IGSF21: variants seen among roughly 807,000 people sequenced by gnomAD.
The protein encoded by IGSF21 is immunoglobulin superfamily member 21.
A neutral mutation model predicts 46.8 loss-of-function variants in IGSF21; 28 were observed. The observed-to-expected ratio is 0.60, with a 90% CI of 0.44 to 0.82. IGSF21 has a LOEUF of 0.82. Among genes scored for constraint, IGSF21 ranks in the 40% least tolerant of loss-of-function variants. IGSF21 has a pLI of 0.00. For missense variants in IGSF21, 624 were observed against 665.5 expected, an observed-to-expected ratio of 0.94 and a Z score of 0.69; for synonymous variants, 284 against 273.6, an observed-to-expected ratio of 1.04 and a Z score of -0.38.
chr1:18,225,623 C>G (rs1045444787), intron 1 of IGSF21, among the ~76,000 whole-genome samples: 1 of 152,020 alleles, frequency 6.6e-6, no homozygotes, highest in Admixed American at 6.6e-5. Flanking sequence ...TGATGAGGCT[C>G]AACTCATAAC....
intron 1 of IGSF21, among the ~76,000 whole-genome samples, chr1:18,192,896 C>A: frequency 6.6e-6 from 1 of 152,010 alleles, no homozygotes; most frequent in Non-Finnish European, 1.5e-5. Context: ...GTTTATTCGA[C>A]ACATATTAAT....
At chr1:18,314,539 C>A (rs982246284) in intron 3 of IGSF21, among the ~76,000 whole-genome samples, 1 of 152,202 alleles carries the variant, frequency 6.6e-6, no homozygotes, top group Admixed American at 6.5e-5. Flanking sequence ...CAGGAACTCA[C>A]TTAAACCTCA....
At chr1:18,193,855 AC>A (rs1399569497) in intron 1 of IGSF21, among the ~76,000 whole-genome samples, 1 of 152,180 alleles carries the variant, frequency 6.6e-6, no homozygotes, top group African/African-American at 2.4e-5. Context: ...TATGTAACAT[AC>A]AAATATGGTT....
intron 2 of IGSF21, among the ~76,000 whole-genome samples, chr1:18,288,339 C>T (rs1211973643): frequency 3.3e-5 from 5 of 152,194 alleles, no homozygotes; most frequent in African/African-American, 2.4e-5. Flanking sequence ...TCAGAAGTGT[C>T]AGAACATCAT....
At chr1:18,294,274 G>C (rs1464625690) in intron 3 of IGSF21, among the ~76,000 whole-genome samples, 2 of 152,126 alleles carry the variant, frequency 1.3e-5, no homozygotes, top group African/African-American at 4.8e-5. Flanking sequence ...GTGAAGTGCT[G>C]GTTTCCGGCC....
intron 6 of IGSF21, among the ~76,000 whole-genome samples, chr1:18,367,603 CTTTTTTT>C (rs35019096): frequency 9.5e-5 from 7 of 73,952 alleles, no homozygotes; most frequent in Non-Finnish European, 1.3e-4. Context: ...CTCTCTCTCT[CTTTTTTT>C]TTTTTTTTTT....
chr1:18,178,661 C>T (rs2086827448), intron 1 of IGSF21, among the ~76,000 whole-genome samples: 1 of 152,168 alleles, frequency 6.6e-6, no homozygotes, highest in Non-Finnish European at 1.5e-5. Flanking sequence ...CTCTTTCTCC[C>T]AGTGCCCCTT....
intron 1 of IGSF21, among the ~76,000 whole-genome samples, chr1:18,192,634 T>A (rs1339498846): frequency 6.6e-6 from 1 of 152,078 alleles, no homozygotes; most frequent in Non-Finnish European, 1.5e-5. Flanking sequence ...GAGCTAAGAT[T>A]TGAGTCTGTG....
At chr1:18,172,105 G>C (rs1291517959) in intron 1 of IGSF21, among the ~76,000 whole-genome samples, 4 of 152,200 alleles carry the variant, frequency 2.6e-5, no homozygotes, top group Non-Finnish European at 5.9e-5. Flanking sequence ...AGATAGACTT[G>C]GGACTTTGAT....
chr1:18,225,087 A>T (rs12036351), intron 1 of IGSF21, among the ~76,000 whole-genome samples: 1,888 of 30,030 alleles, frequency 0.063, 28 homozygotes, highest in South Asian at 0.16. Context: ...TCTCTCTCTC[A>T]CACACACACA....
At chr1:18,241,977 G>A (rs1341910180) in intron 2 of IGSF21, among the ~76,000 whole-genome samples, 3 of 152,186 alleles carry the variant, frequency 2.0e-5, no homozygotes, top group Non-Finnish European at 4.4e-5. Flanking sequence ...GAAGCTCTGT[G>A]GCCTCCTCCG....
rs143102418 is a variant in IGSF21 at position 18,173,219 on chromosome 1, C to T, written c.71-54679C>T. Among the ~76,000 whole-genome samples, 252 of 152,210 alleles carry T rather than the reference C, an allele frequency of 1.7e-3. 6 individuals carry two copies. In the East Asian group the frequency reaches 0.041, roughly 25 times the overall value. ...AGGAGAATGGCGTGAACCCGGGAGG[C>T]GGAGCTTGCAGTGAGCTGAGATCAC... On this transcript the variant is annotated intron_variant, in intron 1 of 9. Coordinates refer to ENST00000251296, the MANE Select transcript of IGSF21 (RefSeq NM_032880.5).
rs549525036 is a variant in IGSF21 at position 18,262,086 on chromosome 1, C to T, written c.184-29780C>T. Among the ~76,000 whole-genome samples the T allele has an allele frequency of 2.0e-4, 31 of 152,220 alleles. No individual in the cohort carries two copies. The South Asian group carries it at 5.0e-3, about 24-fold the overall frequency. ...AGAGTCTGATTCAGCAGGTCTGGGG[C>T]GGGACTCAAGAATTTGCATACAGCA... On this transcript the variant is annotated intron_variant, in intron 2 of 9. Transcript: ENST00000251296.
chr1:18,165,436 G>A (rs2086669006), intron 1 of IGSF21, among the ~76,000 whole-genome samples: 2 of 152,134 alleles, frequency 1.3e-5, no homozygotes, highest in African/African-American at 4.8e-5. Context: ...ACTAGTCAGA[G>A]CAGATTAGGG....
At chr1:18,122,614 AT>A (rs1009410880) in intron 1 of IGSF21, among the ~76,000 whole-genome samples, 1 of 132,896 alleles carries the variant, frequency 7.5e-6, no homozygotes, top group African/African-American at 2.8e-5. Flanking sequence ...TTGACTGTCG[AT>A]TTTTTTTCTT....
chr1:18,238,279 C>T (rs372429084), intron 2 of IGSF21, among the ~76,000 whole-genome samples: 44 of 152,296 alleles, frequency 2.9e-4, no homozygotes, highest in East Asian at 7.7e-4. Context: ...GAGTGGTCCA[C>T]GAGCTTCCAA....
chr1:18,376,049 A>AC (rs947646789), intron 6 of IGSF21: 24 of 389,254 alleles, frequency 6.2e-5, no homozygotes, highest in Admixed American at 3.2e-4. Context: ...TGATGTGTGA[A>AC]CCCCCCAAGA....
At chr1:18,179,916 A>G (rs546509958) in intron 1 of IGSF21, among the ~76,000 whole-genome samples, 2 of 152,342 alleles carry the variant, frequency 1.3e-5, no homozygotes. Flanking sequence ...AAAGCCTCCA[A>G]GCAAAAGGAA....
chr1:18,223,334 C>T (rs1177060676), intron 1 of IGSF21, among the ~76,000 whole-genome samples: 8 of 152,236 alleles, frequency 5.3e-5, no homozygotes, highest in Admixed American at 3.9e-4. Context: ...CAGTGGCAAT[C>T]GATGGAGCTG....
Sources: gnomAD v4.1 joint callset for allele counts (sites outside exome capture counted in the v4.1 genomes callset) on GRCh38, gnomAD v4.1.1 for gene constraint, MANE v1.5 for transcripts, NCBI Gene and HGNC (gene_info 2026-07-23, HGNC 2026-07-21) for gene names.